GABBR2: variants seen among roughly 807,000 people sequenced by gnomAD.
GABBR2 encodes the protein G-protein coupled receptor 51.
A neutral mutation model predicts 105.6 loss-of-function variants in GABBR2; 23 were observed. The observed-to-expected ratio is 0.22, with a 90% confidence interval of 0.16 to 0.31. The LOEUF is 0.31. GABBR2 is among the 10% of genes least tolerant of loss of function. GABBR2 has a pLI of 1.00. For synonymous variants in GABBR2, 478 were observed against 499.7 expected, an observed-to-expected ratio of 0.96 and a Z score of 0.58; for missense variants, 734 against 1,245.5, an observed-to-expected ratio of 0.59 and a Z score of 6.18.
chr9:98,411,160 CT>C (rs967693335), intron 7 of GABBR2, among the ~76,000 whole-genome samples: 12 of 152,118 alleles, frequency 7.9e-5, no homozygotes, highest in African/African-American at 2.9e-4. Context: ...TTTTTTCCCC[CT>C]GAAAGAGATG....
Position 98,482,078 on chromosome 9 carries a change from C to T in GABBR2, c.733-1081G>A, listed in dbSNP as rs776070622. 1.2e-4 allele frequency among the ~76,000 whole-genome samples: 19 copies of T among 152,322 alleles called. No individual in the cohort carries two copies. The East Asian group carries it at 1.5e-3, about 12-fold the overall frequency. On this transcript the variant is annotated intron_variant, in intron 4 of 18. Coordinates refer to ENST00000259455, the MANE Select transcript of GABBR2 (RefSeq NM_005458.8). ...CCAAACACCTGCTCCCCATCCCAGCCGCTTCCTGCCCTCCACAGTGAGGCC... is the reference window on the plus strand; with the variant it reads ...CCAAACACCTGCTCCCCATCCCAGCTGCTTCCTGCCCTCCACAGTGAGGCC...
At chr9:98,409,269 G>T (rs1228784846) in intron 7 of GABBR2, among the ~76,000 whole-genome samples, 2 of 152,214 alleles carry the variant, frequency 1.3e-5, no homozygotes, top group African/African-American at 4.8e-5. Flanking sequence ...GGGAGGTGAA[G>T]CGGAGCAGCC....
intron 1 of GABBR2, among the ~76,000 whole-genome samples, chr9:98,602,175 T>TG (rs1829348119): frequency 6.6e-6 from 1 of 151,778 alleles, no homozygotes; most frequent in South Asian, 2.1e-4. Context: ...TAATTTTTTT[T>TG]TTTTTTAATT....
At position 98,633,377 on chromosome 9, in the gene GABBR2, C is replaced by G. The variant is rs904205136; in HGVS notation, c.322-55305G>C. On this transcript the variant is annotated intron_variant, in intron 1 of 18. Transcript: ENST00000259455. ...GTGGCTTACGCCCGTAATCCCAGCA[C>G]TTCGAGAGGCCAAGGCAGGAGGATC... 6.6e-5 allele frequency among the ~76,000 whole-genome samples: 10 copies of G among 152,206 alleles called. No individual in the cohort carries two copies. The East Asian group carries it at 1.9e-3, about 29-fold the overall frequency.
chr9:98,467,815 G>A (rs1826591846), intron 6 of GABBR2, among the ~76,000 whole-genome samples: 1 of 152,258 alleles, frequency 6.6e-6, no homozygotes, highest in South Asian at 2.1e-4. Context: ...CTCATCTGGG[G>A]CCTTGGCCCA....
intron 1 of GABBR2, among the ~76,000 whole-genome samples, chr9:98,592,772 T>C (rs1016318365): frequency 4.6e-5 from 7 of 152,138 alleles, no homozygotes; most frequent in Admixed American, 3.9e-4. Flanking sequence ...AAAGTGAGGA[T>C]ATGTCTTAGA....
At chr9:98,292,538 C>T (rs1005437371) in intron 18 of GABBR2, among the ~76,000 whole-genome samples, 1 of 152,320 alleles carries the variant, frequency 6.6e-6, no homozygotes, top group East Asian at 1.9e-4. Context: ...TCCCAAGAGA[C>T]ACCTCACAGG....
intron 1 of GABBR2, chr9:98,607,339 G>A: frequency 1.3e-6 from 1 of 752,436 alleles, no homozygotes; most frequent in Non-Finnish European, 2.4e-6. Flanking sequence ...TTCAGGACAT[G>A]GACTTAAACC....
At chr9:98,496,614 T>C in intron 3 of GABBR2, 100 bp from the exon 4 acceptor site, 1 of 767,500 alleles carries the variant, frequency 1.3e-6, no homozygotes, top group Admixed American at 1.9e-5. Flanking sequence ...CAAAGCGATT[T>C]TCTCTACCGA....
chr9:98,665,115 A>T (rs1443020854), intron 1 of GABBR2, among the ~76,000 whole-genome samples: 4 of 152,096 alleles, frequency 2.6e-5, no homozygotes, highest in Non-Finnish European at 4.4e-5. Flanking sequence ...TAAAATTTTT[A>T]AAAATTAGCC....
intron 1 of GABBR2, among the ~76,000 whole-genome samples, chr9:98,705,819 G>A (rs1830885002): frequency 6.6e-6 from 1 of 152,218 alleles, no homozygotes; most frequent in Non-Finnish European, 1.5e-5. Context: ...GCTCATGCCT[G>A]TAATCCCAGC....
intron 16 of GABBR2, among the ~76,000 whole-genome samples, chr9:98,302,660 G>C (rs1830488562): frequency 6.6e-6 from 1 of 152,086 alleles, no homozygotes; most frequent in African/African-American, 2.4e-5. Context: ...CAAAGGGAGG[G>C]GTAGAGGAGG....
intron 1 of GABBR2, among the ~76,000 whole-genome samples, chr9:98,671,165 G>T (rs77433905): frequency 6.6e-6 from 1 of 150,608 alleles, no homozygotes; most frequent in Non-Finnish European, 1.5e-5. Context: ...CCCACTTCCC[G>T]CTCTCTGCCA....
chr9:98,554,539 TA>T (rs1424249883), intron 2 of GABBR2, among the ~76,000 whole-genome samples: 2 of 139,918 alleles, frequency 1.4e-5, no homozygotes, highest in Non-Finnish European at 3.2e-5. Context: ...TTCTTCTTTT[TA>T]AACTTCTATT....
At chr9:98,576,909 TGGA>T (rs1828916839) in intron 2 of GABBR2, among the ~76,000 whole-genome samples, 2 of 100,792 alleles carry the variant, frequency 2.0e-5, no homozygotes, top group African/African-American at 1.5e-4. Context: ...ATTTGTTGGA[TGGA>T]TGGATGGATG....
At chr9:98,415,540 G>A (rs145373236) in intron 7 of GABBR2, among the ~76,000 whole-genome samples, 6 of 152,302 alleles carry the variant, frequency 3.9e-5, no homozygotes, top group East Asian at 3.9e-4. Flanking sequence ...TGGGGCAAGC[G>A]CCTTTTCATC....
rs1165935483 is a variant in GABBR2, at chr9:98,706,128, AAGG to A, written c.321+2286_321+2288del. ...AAAAAACAAAAAAAAAAAAAAAAAG[AAGG>A]AGGAGGAGGAGGGGAGGCAGCAGGA... On this transcript the variant is annotated intron_variant, in intron 1 of 18. Transcript: ENST00000259455. Among the ~76,000 whole-genome samples the A allele has an allele frequency of 3.6e-3, 515 of 143,374 alleles. 2 individuals are homozygous for A. The highest frequency in any genetic ancestry group is 0.012 in the African/African-American group (479 of 39,358). The allele number at this position is 143,374 out of a possible 152,430, so 94.1% of individuals were successfully genotyped here. A position where few individuals can be genotyped will look rare whatever the true frequency, so the allele number is the denominator to read the frequency against.
intron 5 of GABBR2, 136 bp downstream of exon 5, chr9:98,480,796 C>A: frequency 1.5e-6 from 1 of 658,070 alleles, no homozygotes; most frequent in Non-Finnish European, 2.8e-6. Context: ...GAACAGTGAA[C>A]GCAACTCTTC....
chr9:98,534,292 G>A (rs7032419), intron 3 of GABBR2, among the ~76,000 whole-genome samples: 85,396 of 138,800 alleles, frequency 0.62, 24,236 homozygotes, highest in Middle Eastern at 0.77. Context: ...CAGAAGCCTC[G>A]AGATCACTGA....
Sources: allele counts gnomAD v4.1 joint callset (sites outside exome capture counted in the v4.1 genomes callset), GRCh38; gene constraint gnomAD v4.1.1; transcripts MANE v1.5; gene names NCBI Gene and HGNC (gene_info 2026-07-23, HGNC 2026-07-21).